Variants in ZNF469 observed in about 807,000 individuals in gnomAD.
ZNF469 encodes zinc finger protein 469.
In ZNF469, 1 loss-of-function variant was observed where a neutral mutation model predicts 1.0. The ratio of observed to expected loss-of-function variants is 1.00; its 90% CI spans 0.35 to 4.73. The LOEUF is 4.73. Ranked by LOEUF, ZNF469 falls within the 30% of genes most tolerant of loss-of-function variation. The pLI, the probability that ZNF469 is intolerant of heterozygous loss-of-function variation, is 0.16. For synonymous variants in ZNF469, 2,703 were observed against 2,363.4 expected (o/e 1.14, Z -4.17); for missense variants, 6,100 against 5,356.3 (o/e 1.14, Z -4.33).
chr16:88,341,249 G>A, the ZNF469 span, among the ~76,000 whole-genome samples: 1 of 152,180 alleles, frequency 6.6e-6, no homozygotes. Context: ...CCCGCCTGGT[G>A]CACTGAATGC....
the ZNF469 span, among the ~76,000 whole-genome samples, chr16:88,269,191 T>TCTTTCCA: frequency 6.6e-6 from 1 of 152,044 alleles, no homozygotes; most frequent in Non-Finnish European, 1.5e-5. Flanking sequence ...TGGGTTTGAG[T>TCTTTCCA]CTTTCCACTT....
the ZNF469 span, among the ~76,000 whole-genome samples, chr16:88,245,627 A>G: frequency 0.07 from 10,612 of 151,912 alleles, 399 homozygotes; most frequent in African/African-American, 0.24. Context: ...CACAAGCCCA[A>G]ATCCCGAAGA....
the ZNF469 span, among the ~76,000 whole-genome samples, chr16:88,180,750 G>A: frequency 8.6e-4 from 1 of 1,162 alleles, no homozygotes; most frequent in Non-Finnish European, 0.019. Flanking sequence ...CTCCAGCCTG[G>A]GTGACAGAGA....
the ZNF469 span, among the ~76,000 whole-genome samples, chr16:88,375,445 A>T: frequency 2.2e-4 from 33 of 152,344 alleles, no homozygotes; most frequent in South Asian, 4.8e-3. Flanking sequence ...GAGTTACCAG[A>T]ACGAAATACA....
At chr16:88,316,545 C>CTTTTTTTTTTTTTTTTTTTTTTT in the ZNF469 span, among the ~76,000 whole-genome samples, 3 of 100,990 alleles carry the variant, frequency 3.0e-5, 1 homozygote, top group African/African-American at 4.2e-5. Context: ...TAGGTGCTGT[C>CTTTTTTTTTTTTTTTTTTTTTTT]TTTTTTTTTT....
At chr16:88,228,018 C>T in the ZNF469 span, among the ~76,000 whole-genome samples, 2 of 152,232 alleles carry the variant, frequency 1.3e-5, no homozygotes, top group African/African-American at 4.8e-5. Flanking sequence ...TTGTTCCTTC[C>T]ATGTCTTCAT....
intron 1 of ZNF469, among the ~76,000 whole-genome samples, chr16:88,395,936 C>T (rs1904645950): frequency 6.6e-6 from 1 of 152,262 alleles, no homozygotes; most frequent in African/African-American, 2.4e-5. Flanking sequence ...CCCTGGGCCA[C>T]CCCAGGTGAA....
chr16:88,143,049 G>A, the ZNF469 span, among the ~76,000 whole-genome samples: 1 of 152,166 alleles, frequency 6.6e-6, no homozygotes, highest in African/African-American at 2.4e-5. Flanking sequence ...GATTAGGATG[G>A]GAGGAGACAG....
intron 1 of ZNF469, among the ~76,000 whole-genome samples, chr16:88,422,298 ATGAG>A (rs755456722): frequency 9.9e-5 from 14 of 141,564 alleles, no homozygotes; most frequent in East Asian, 2.3e-4. Flanking sequence ...GGATGGATGG[ATGAG>A]TGGGTGGATA....
chr16:88,227,914 C>T, the ZNF469 span, among the ~76,000 whole-genome samples: 2 of 152,214 alleles, frequency 1.3e-5, no homozygotes, highest in Non-Finnish European at 2.9e-5. Context: ...GACCTTGGCT[C>T]ACAGGTGCAC....
At chr16:88,221,028 C>A in the ZNF469 span, among the ~76,000 whole-genome samples, 1 of 152,188 alleles carries the variant, frequency 6.6e-6, no homozygotes, top group African/African-American at 2.4e-5. Context: ...GAAGGACCAC[C>A]CAGAACACTG....
the ZNF469 span, among the ~76,000 whole-genome samples, chr16:88,105,061 AT>A: frequency 6.6e-6 from 1 of 152,102 alleles, no homozygotes; most frequent in East Asian, 1.9e-4. Flanking sequence ...ACAAGAAACA[AT>A]TTTAAAAAAT....
chr16:88,431,183 G>A lies in ZNF469; in HGVS notation c.3713G>A (p.Ser1238Asn). 1 of 1,550,370 alleles carries A rather than the reference G, an allele frequency of 6.5e-7. No individual in the cohort carries two copies. Among genetic ancestry groups the A allele is most frequent in the Non-Finnish European group, 8.7e-7 (1 of 1,146,976 alleles). Residue 1238 changes from serine (S) to asparagine (N), a missense_variant, in exon 3 of 3, where the codon AGC becomes AAC. Transcript: ENST00000565624. Reference sequence around the variant, plus strand: ...ACTGCCGAAGAGTCAGCCCCGGACAGCACAGAATTCACAGAGGCTTTGCGT... The same window carrying A: ...ACTGCCGAAGAGTCAGCCCCGGACAACACAGAATTCACAGAGGCTTTGCGT... ...PETAEESAPDSTEFTEALRSP... is the reference protein window; with the variant it reads ...PETAEESAPDNTEFTEALRSP...
At chr16:88,255,577 C>T in the ZNF469 span, among the ~76,000 whole-genome samples, 2 of 152,194 alleles carry the variant, frequency 1.3e-5, no homozygotes, top group Non-Finnish European at 2.9e-5. Flanking sequence ...ACATTCATTC[C>T]AGCTTATAAA....
At chr16:88,130,578 T>A in the ZNF469 span, among the ~76,000 whole-genome samples, 1 of 151,282 alleles carries the variant, frequency 6.6e-6, no homozygotes, top group African/African-American at 2.4e-5. Flanking sequence ...TGGTGGCAGG[T>A]GCCTGTAGTC....
chr16:88,191,938 C>T, the ZNF469 span, among the ~76,000 whole-genome samples: 1 of 152,190 alleles, frequency 6.6e-6, no homozygotes, highest in African/African-American at 2.4e-5. Context: ...AGTCCTAACA[C>T]CCAGCGTGAT....
At chr16:88,420,667 G>T (rs1166550369) in intron 1 of ZNF469, among the ~76,000 whole-genome samples, 3 of 152,236 alleles carry the variant, frequency 2.0e-5, no homozygotes, top group Non-Finnish European at 4.4e-5. Context: ...CTGGAAGAGG[G>T]ATGCCATGCT....
At chr16:88,372,789 T>C in the ZNF469 span, among the ~76,000 whole-genome samples, 1 of 150,446 alleles carries the variant, frequency 6.6e-6, no homozygotes, top group South Asian at 2.1e-4. Flanking sequence ...ACCACCATCA[T>C]CACCATCACC....
At chr16:88,321,452 T>G in the ZNF469 span, among the ~76,000 whole-genome samples, 1 of 150,774 alleles carries the variant, frequency 6.6e-6, no homozygotes, top group Non-Finnish European at 1.5e-5. Context: ...GGCCCTTGGC[T>G]GCTGTGTTAG....
Sources: allele counts gnomAD v4.1 joint callset (sites outside exome capture counted in the v4.1 genomes callset), GRCh38; gene constraint gnomAD v4.1.1; transcripts MANE v1.5; gene names NCBI Gene and HGNC (gene_info 2026-07-23, HGNC 2026-07-21).